GRIK2: variants seen among roughly 807,000 people sequenced by gnomAD.
GRIK2 encodes the protein glutamate ionotropic receptor kainate type subunit 2.
GRIK2 carries 32 observed loss-of-function variants against 100.3 expected under a neutral mutation model. The observed-to-expected ratio is 0.32, with a 90% CI of 0.24 to 0.43. The LOEUF (loss-of-function observed/expected upper bound fraction) is 0.43, where lower values mean the gene tolerates loss of function less well. Ranked by LOEUF, GRIK2 falls within the 20% of genes least tolerant of loss-of-function variation. The probability of loss-of-function intolerance (pLI) is 1.00; values close to 1 mark genes in which losing one functional copy is unlikely to be tolerated. For synonymous variants in GRIK2, 417 were observed against 389.4 expected (o/e 1.07, Z -0.83); for missense variants, 843 against 1,114.9 (o/e 0.76, Z 3.47).
At chr6:101,820,135 A>G (rs1781867629) in intron 10 of GRIK2, among the ~76,000 whole-genome samples, 1 of 152,096 alleles carries the variant, frequency 6.6e-6, no homozygotes, top group Admixed American at 6.6e-5. Flanking sequence ...GCTTATCTCA[A>G]TTTCTGAGAT....
At chr6:102,034,949 C>T (rs184713622) in intron 14 of GRIK2, among the ~76,000 whole-genome samples, 30 of 151,366 alleles carry the variant, frequency 2.0e-4, no homozygotes, top group African/African-American at 7.0e-4. Flanking sequence ...GTATTTCTCT[C>T]TTCCACGTTT....
chr6:102,014,317 A>G (rs758417281), intron 14 of GRIK2, among the ~76,000 whole-genome samples: 15 of 151,554 alleles, frequency 9.9e-5, no homozygotes, highest in Non-Finnish European at 1.8e-4. Flanking sequence ...CATTGTGGCT[A>G]TTTGGATCAT....
intron 2 of GRIK2, among the ~76,000 whole-genome samples, chr6:101,547,953 C>A (rs1562217477): frequency 1.3e-5 from 2 of 152,130 alleles, no homozygotes; most frequent in African/African-American, 2.4e-5. Context: ...AAAAGTGTTC[C>A]TGTTTCTCCA....
At chr6:101,850,831 C>A (rs1784089449) in intron 10 of GRIK2, among the ~76,000 whole-genome samples, 1 of 151,836 alleles carries the variant, frequency 6.6e-6, no homozygotes. Context: ...GTTAAGTTGC[C>A]CAGGAGAGTT....
chr6:101,954,783 C>T (rs1791813691), intron 14 of GRIK2, among the ~76,000 whole-genome samples: 1 of 152,010 alleles, frequency 6.6e-6, no homozygotes, highest in Admixed American at 6.6e-5. Flanking sequence ...TGTTATCTTG[C>T]TCCTAATATC....
intron 11 of GRIK2, among the ~76,000 whole-genome samples, chr6:101,871,109 A>C (rs2128448305): frequency 6.6e-6 from 1 of 152,022 alleles, no homozygotes; most frequent in African/African-American, 2.4e-5. Context: ...TACATGCTGT[A>C]ATAAAAGTAT....
intron 2 of GRIK2, among the ~76,000 whole-genome samples, chr6:101,532,983 A>G (rs1282717488): frequency 1.3e-5 from 2 of 151,896 alleles, no homozygotes; most frequent in African/African-American, 4.8e-5. Context: ...AAGACACAGA[A>G]GGGAGGCTAA....
chr6:101,542,284 G>A (rs1256793973), intron 2 of GRIK2, among the ~76,000 whole-genome samples: 1 of 151,950 alleles, frequency 6.6e-6, no homozygotes, highest in African/African-American at 2.4e-5. Context: ...TGCTGTTAAT[G>A]AGGCTGAAAT....
At chr6:101,718,577 A>G (rs1279392545) in intron 7 of GRIK2, among the ~76,000 whole-genome samples, 1 of 151,884 alleles carries the variant, frequency 6.6e-6, no homozygotes, top group Non-Finnish European at 1.5e-5. Flanking sequence ...CATATTCCCA[A>G]CCACCATCAT....
intron 7 of GRIK2, among the ~76,000 whole-genome samples, chr6:101,695,540 A>G (rs1772422563): frequency 6.6e-6 from 1 of 152,088 alleles, no homozygotes; most frequent in South Asian, 2.1e-4. Flanking sequence ...TATGTACTAA[A>G]CTATACTATT....
In GRIK2 at chr6:101,955,617, C is replaced by CTCTCTCTCTCTCTCTCT. The variant is rs1376723314; in HGVS notation, c.2085+26985_2085+26986insTCTCTCTCTCTCTCTCT. Among the ~76,000 whole-genome samples, 461 of 116,392 alleles carry CTCTCTCTCTCTCTCTCT rather than the reference C, an allele frequency of 4.0e-3. 30 individuals carry two copies. Among genetic ancestry groups the CTCTCTCTCTCTCTCTCT allele is most frequent in the Middle Eastern group, 0.015 (3 of 204 alleles). 76.4% of individuals were successfully genotyped at this position (116,392 alleles called of 152,430 possible). ...CTCTCTCTCTCTCTCTCTCTCTCTC[C>CTCTCTCTCTCTCTCTCT]CCCCCATTTCTTTTACAGTCAGATT... On this transcript the variant is annotated intron_variant, in intron 14 of 16. Coordinates refer to ENST00000369134, the MANE Select transcript of GRIK2 (RefSeq NM_021956.5).
At chr6:101,692,056 AAAAAAAAAAAAG>A (rs1228389698) in intron 7 of GRIK2, among the ~76,000 whole-genome samples, 1 of 151,232 alleles carries the variant, frequency 6.6e-6, no homozygotes, top group African/African-American at 2.4e-5. Flanking sequence ...AAAAAAAAAA[AAAAAAAAAAAAG>A]CAATGGAAAT....
intron 14 of GRIK2, among the ~76,000 whole-genome samples, chr6:101,973,835 T>C (rs9498775): frequency 0.016 from 2,473 of 152,030 alleles, 73 homozygotes; most frequent in African/African-American, 0.058. Context: ...AATGATGCAT[T>C]GTATAGCACA....
At chr6:101,941,252 A>C (rs1472585800) in intron 14 of GRIK2, among the ~76,000 whole-genome samples, 1 of 152,088 alleles carries the variant, frequency 6.6e-6, no homozygotes, top group Non-Finnish European at 1.5e-5. Context: ...CTAATTTAAA[A>C]TGAAGTTACA....
chr6:101,974,032 A>G (rs896825206), intron 14 of GRIK2, among the ~76,000 whole-genome samples: 4 of 151,958 alleles, frequency 2.6e-5, no homozygotes, highest in South Asian at 2.1e-4. Context: ...GGCAATCAAC[A>G]TATACTTTAT....
chr6:101,516,680 CT>C (rs1038007507), intron 2 of GRIK2, among the ~76,000 whole-genome samples: 3 of 152,006 alleles, frequency 2.0e-5, no homozygotes, highest in Non-Finnish European at 4.4e-5. Flanking sequence ...TAAAAGGAAA[CT>C]GCCTATAATT....
At chr6:102,041,099 C>G (rs1770543505) in intron 15 of GRIK2, among the ~76,000 whole-genome samples, 1 of 151,520 alleles carries the variant, frequency 6.6e-6, no homozygotes, top group South Asian at 2.1e-4. Flanking sequence ...ATAAGCATCT[C>G]AATAAGTTAT....
chr6:101,795,836 G>A (rs1421977741), intron 7 of GRIK2, among the ~76,000 whole-genome samples: 1 of 152,198 alleles, frequency 6.6e-6, no homozygotes, highest in Non-Finnish European at 1.5e-5. Context: ...CATGGGAATA[G>A]GCTGTGGTGA....
chr6:101,783,079 C>T lies in GRIK2; in HGVS notation c.952-16569C>T, dbSNP rs186102953. On this transcript the variant is annotated intron_variant, in intron 7 of 16. Coordinates refer to ENST00000369134, the MANE Select transcript of GRIK2 (RefSeq NM_021956.5). Reference sequence around the variant, plus strand: ...TTCACTGTGTTAGCCAGGATGGTCTCGATCTCCTGACCTTGTGATCCACCC... The same window carrying T: ...TTCACTGTGTTAGCCAGGATGGTCTTGATCTCCTGACCTTGTGATCCACCC... Among the ~76,000 whole-genome samples, 430 of 151,998 alleles carry T rather than the reference C, an allele frequency of 2.8e-3. 4 individuals carry two copies. The highest frequency in any genetic ancestry group is 0.016 in the South Asian group (78 of 4,816).
Sources: allele counts gnomAD v4.1 joint callset (sites outside exome capture counted in the v4.1 genomes callset), GRCh38; gene constraint gnomAD v4.1.1; transcripts MANE v1.5; gene names NCBI Gene and HGNC (gene_info 2026-07-23, HGNC 2026-07-21).